ARHGAP24: variants seen among roughly 807,000 people sequenced by gnomAD.
ARHGAP24 encodes rho GTPase-activating protein 24.
Under a neutral mutation model 76.4 loss-of-function variants are expected in ARHGAP24, and 50 were observed. That is an observed-to-expected ratio of 0.65 (90% CI 0.52 to 0.83). The LOEUF (loss-of-function observed/expected upper bound fraction) is 0.83, where lower values mean the gene tolerates loss of function less well. Ranked by LOEUF, ARHGAP24 falls within the 40% of genes least tolerant of loss-of-function variation. The pLI is 0.00. For synonymous variants in ARHGAP24, 345 were observed against 323.3 expected (o/e 1.07, Z -0.72); for missense variants, 930 against 914.2 (o/e 1.02, Z -0.22).
chr4:85,839,830 T>C (rs1476559944), intron 3 of ARHGAP24, among the ~76,000 whole-genome samples: 1 of 144,546 alleles, frequency 6.9e-6, no homozygotes, highest in African/African-American at 2.6e-5. Context: ...ACCAAGTGTC[T>C]TTTTTCTGTT....
intron 3 of ARHGAP24, among the ~76,000 whole-genome samples, chr4:85,869,325 T>A (rs1243804729): frequency 1.3e-5 from 2 of 152,204 alleles, no homozygotes; most frequent in East Asian, 3.8e-4. Flanking sequence ...TGGTTGTTGA[T>A]GCATCCAGCC....
intron 3 of ARHGAP24, among the ~76,000 whole-genome samples, chr4:85,894,761 G>A (rs964183233): frequency 1.3e-5 from 2 of 152,012 alleles, no homozygotes; most frequent in South Asian, 4.2e-4. Context: ...AGGAGTTAGA[G>A]GCCAGCCTGG....
intron 2 of ARHGAP24, among the ~76,000 whole-genome samples, chr4:85,591,790 C>T (rs1728122268): frequency 6.6e-6 from 1 of 152,092 alleles, no homozygotes; most frequent in Admixed American, 6.6e-5. Context: ...TAAGTCAAAA[C>T]TATGTCAAAG....
intron 2 of ARHGAP24, among the ~76,000 whole-genome samples, chr4:85,574,940 G>A (rs1727310748): frequency 1.3e-5 from 2 of 152,064 alleles, no homozygotes; most frequent in Admixed American, 6.6e-5. Flanking sequence ...CACTTTTCTT[G>A]TATTTTCTTT....
chr4:85,480,269 G>A (rs1222398866), intron 1 of ARHGAP24, among the ~76,000 whole-genome samples: 1 of 151,942 alleles, frequency 6.6e-6, no homozygotes, highest in Non-Finnish European at 1.5e-5. Context: ...ATTCCTTTTT[G>A]CCTAGACTGC....
intron 1 of ARHGAP24, among the ~76,000 whole-genome samples, chr4:85,479,872 C>T (rs1052919186): frequency 3.9e-5 from 6 of 152,102 alleles, no homozygotes; most frequent in Non-Finnish European, 8.8e-5. Context: ...GTGGATAATA[C>T]GTATTTTGAT....
At chr4:85,683,300 T>C in intron 2 of ARHGAP24, among the ~76,000 whole-genome samples, 1 of 152,100 alleles carries the variant, frequency 6.6e-6, no homozygotes, top group East Asian at 1.9e-4. Context: ...TTACATAAAT[T>C]CTCTCACACG....
chr4:85,480,142 C>T (rs1384461579), intron 1 of ARHGAP24, among the ~76,000 whole-genome samples: 1 of 149,612 alleles, frequency 6.7e-6, no homozygotes, highest in African/African-American at 2.6e-5. Flanking sequence ...TAATATGATA[C>T]CCCCCCTTTT....
chr4:85,667,204 G>A (rs1157034040), intron 2 of ARHGAP24, among the ~76,000 whole-genome samples: 6 of 152,144 alleles, frequency 3.9e-5, no homozygotes, highest in East Asian at 3.9e-4. Flanking sequence ...GGGCAATGGC[G>A]GGCTCCCCTC....
intron 4 of ARHGAP24, among the ~76,000 whole-genome samples, chr4:85,933,257 C>G (rs1260327806): frequency 6.6e-6 from 1 of 152,106 alleles, no homozygotes; most frequent in Non-Finnish European, 1.5e-5. Context: ...GCTACTTTTC[C>G]TGATCCACAT....
chr4:85,657,300 C>T (rs764569460), intron 2 of ARHGAP24, among the ~76,000 whole-genome samples: 6 of 152,076 alleles, frequency 3.9e-5, no homozygotes, highest in Admixed American at 1.3e-4. Flanking sequence ...CACACTGAAA[C>T]CTTTGGATGA....
At position 85,962,958 on chromosome 4, in the gene ARHGAP24, A is replaced by G. The variant is rs1738350684; in HGVS notation, c.600-9078A>G. ...TTTTTTTTTTCATACCATAAAACTG[A>G]TTGGATATGTTTAAAATAATTCTAC... On this transcript the variant is annotated intron_variant, in intron 5 of 9. Coordinates refer to ENST00000395184, the MANE Select transcript of ARHGAP24 (RefSeq NM_001025616.3). Among the ~76,000 whole-genome samples, 3 of 151,680 alleles carry G rather than the reference A, an allele frequency of 2.0e-5. No individual in the cohort carries two copies. The Admixed American group carries it at 2.0e-4, about 10-fold the overall frequency.
intron 1 of ARHGAP24, among the ~76,000 whole-genome samples, chr4:85,564,374 C>T (rs1364305303): frequency 2.0e-5 from 3 of 146,744 alleles, no homozygotes; most frequent in South Asian, 4.3e-4. Context: ...AGGGGAACAT[C>T]ACACACCGGG....
intron 3 of ARHGAP24, chr4:85,827,786 G>A (rs1350613209): frequency 1.8e-6 from 1 of 571,314 alleles, no homozygotes; most frequent in South Asian, 1.8e-5. Context: ...ACTAGTGCTG[G>A]GGAGCGAGCC....
chr4:85,708,582 A>G (rs1445563079), intron 2 of ARHGAP24, among the ~76,000 whole-genome samples: 1 of 152,194 alleles, frequency 6.6e-6, no homozygotes, highest in African/African-American at 2.4e-5. Context: ...GTCTTCCCCT[A>G]CTAAAAATAA....
At chr4:85,582,597 A>T (rs1030196896) in intron 2 of ARHGAP24, among the ~76,000 whole-genome samples, 1 of 152,086 alleles carries the variant, frequency 6.6e-6, no homozygotes, top group Non-Finnish European at 1.5e-5. Context: ...TTTTCAATGA[A>T]TTATGTTTAC....
chr4:85,899,668 G>A (rs1734386984), intron 3 of ARHGAP24, among the ~76,000 whole-genome samples: 3 of 152,202 alleles, frequency 2.0e-5, no homozygotes, highest in South Asian at 4.1e-4. Flanking sequence ...CAGTAAATTT[G>A]TAAGTGTAGC....
At chr4:85,780,451 C>A (rs1428875836) in intron 3 of ARHGAP24, among the ~76,000 whole-genome samples, 1 of 152,094 alleles carries the variant, frequency 6.6e-6, no homozygotes, top group Non-Finnish European at 1.5e-5. Flanking sequence ...GGATTACAAA[C>A]GTGAGCCACT....
intron 2 of ARHGAP24, among the ~76,000 whole-genome samples, chr4:85,659,904 C>G (rs1722314629): frequency 6.6e-6 from 1 of 152,128 alleles, no homozygotes; most frequent in Non-Finnish European, 1.5e-5. Flanking sequence ...ATGAAGCCAT[C>G]TCTAAAAAAA....
Sources: allele counts gnomAD v4.1 joint callset (sites outside exome capture counted in the v4.1 genomes callset), GRCh38; gene constraint gnomAD v4.1.1; transcripts MANE v1.5; gene names NCBI Gene and HGNC (gene_info 2026-07-23, HGNC 2026-07-21).